The following CEP63 variants were observed in gnomAD, a reference collection of about 807,000 sequenced individuals.
CEP63 encodes centrosomal protein 63.
Under a neutral mutation model 89.1 loss-of-function variants are expected in CEP63, and 84 were observed. That is an observed-to-expected ratio of 0.94 (90% CI 0.79 to 1.13). CEP63 has a LOEUF of 1.13. CEP63 is among the 50% of genes most tolerant of loss of function. CEP63 has a pLI of 0.00. For missense variants in CEP63, 838 were observed against 813.3 expected (o/e 1.03, Z -0.37); for synonymous variants, 267 against 272.5 (o/e 0.98, Z 0.20).
chr3:134,548,145 G>GA (rs1553777970), intron 9 of CEP63, among the ~76,000 whole-genome samples: 5 of 152,128 alleles, frequency 3.3e-5, no homozygotes, highest in African/African-American at 4.8e-5. Context: ...CCATCTGGGG[G>GA]AAAAACCATC....
At chr3:134,696,887 G>A in the CEP63 span, among the ~76,000 whole-genome samples, 1 of 152,180 alleles carries the variant, frequency 6.6e-6, no homozygotes, top group Non-Finnish European at 1.5e-5. Context: ...AATTCAGGAG[G>A]GAATTGTAAG....
At chr3:134,545,551 C>T (rs750043675) in intron 6 of CEP63, 35 bp from the exon 7 acceptor site, 4 of 1,404,322 alleles carry the variant, frequency 2.8e-6, no homozygotes, top group Non-Finnish European at 4.0e-6. Context: ...TTATCATTTC[C>T]CTTTTACCTA....
intron 11 of CEP63, chr3:134,574,740 A>T: frequency 1.8e-6 from 1 of 563,320 alleles, no homozygotes; most frequent in Non-Finnish European, 3.2e-6. Context: ...AGTAGCTGGG[A>T]CTTCAGGCAC....
intron 5 of CEP63, chr3:134,536,456 C>A (rs1950792808): frequency 6.5e-6 from 1 of 152,912 alleles, no homozygotes; most frequent in South Asian, 2.0e-4. Context: ...TTTGATTTGC[C>A]CCATTTTCAT....
chr3:134,708,335 G>A, the CEP63 span, among the ~76,000 whole-genome samples: 1 of 152,220 alleles, frequency 6.6e-6, no homozygotes, highest in African/African-American at 2.4e-5. Context: ...CAGAGACCAG[G>A]GTCCCAGGGG....
At chr3:134,648,439 G>T in the CEP63 span, among the ~76,000 whole-genome samples, 1 of 152,212 alleles carries the variant, frequency 6.6e-6, no homozygotes, top group South Asian at 2.1e-4. Context: ...TAGACTTTTG[G>T]GATAAGACCT....
chr3:134,742,893 C>T, the CEP63 span, among the ~76,000 whole-genome samples: 682 of 152,336 alleles, frequency 4.5e-3, 4 homozygotes, highest in African/African-American at 0.016. Context: ...AATTTACGTT[C>T]ATTATAAATT....
intron 14 of CEP63, among the ~76,000 whole-genome samples, chr3:134,559,677 C>T (rs1956992197): frequency 6.6e-6 from 1 of 152,158 alleles, no homozygotes; most frequent in Non-Finnish European, 1.5e-5. Context: ...ATTGGAAATT[C>T]CCTTCTTGCC....
At chr3:134,708,047 C>T in the CEP63 span, among the ~76,000 whole-genome samples, 1 of 152,158 alleles carries the variant, frequency 6.6e-6, no homozygotes. Flanking sequence ...TAACCTAGGG[C>T]AGTCACTAAT....
At chr3:134,626,806 G>T in the CEP63 span, among the ~76,000 whole-genome samples, 1 of 152,182 alleles carries the variant, frequency 6.6e-6, no homozygotes, top group Admixed American at 6.5e-5. Context: ...GTCATCAACC[G>T]CTGTGCTGTG....
chr3:134,505,692 G>A (rs1057425056), intron 2 of CEP63, among the ~76,000 whole-genome samples: 4 of 152,128 alleles, frequency 2.6e-5, no homozygotes, highest in East Asian at 1.9e-4. Context: ...CAGTGATCAC[G>A]GTAGGTTGAT....
chr3:134,565,076 A>G, downstream of CEP63: 1 of 527,830 alleles, frequency 1.9e-6, no homozygotes, highest in Non-Finnish European at 2.4e-6. Context: ...TCTGTCCGTG[A>G]TCAGGGTACC....
At chr3:134,733,635 C>T in the CEP63 span, among the ~76,000 whole-genome samples, 1 of 152,056 alleles carries the variant, frequency 6.6e-6, no homozygotes, top group Non-Finnish European at 1.5e-5. Flanking sequence ...GGGGAGAACG[C>T]CATGTGCCAG....
chr3:134,516,611 C>T (rs1476086868), intron 3 of CEP63, among the ~76,000 whole-genome samples: 1 of 152,122 alleles, frequency 6.6e-6, no homozygotes, highest in African/African-American at 2.4e-5. Flanking sequence ...CATTTGTGTC[C>T]CTGGGTACTT....
At chr3:134,691,738 CT>C in the CEP63 span, among the ~76,000 whole-genome samples, 2 of 151,890 alleles carry the variant, frequency 1.3e-5, no homozygotes, top group Non-Finnish European at 2.9e-5. Context: ...GAATGGCATT[CT>C]TTTTTTATTT....
chr3:134,690,851 C>T, the CEP63 span, among the ~76,000 whole-genome samples: 5 of 150,156 alleles, frequency 3.3e-5, no homozygotes, highest in Non-Finnish European at 7.4e-5. Context: ...TGGGTTCAAG[C>T]GATTCTCCTG....
the CEP63 span, chr3:134,620,034 G>C: frequency 6.6e-6 from 1 of 152,270 alleles, no homozygotes; most frequent in Non-Finnish European, 1.5e-5. Flanking sequence ...GCAGCAGGTC[G>C]AGAAAGACCC....
chr3:134,589,244 C>A (rs1958550239), downstream of CEP63, among the ~76,000 whole-genome samples: 2 of 151,658 alleles, frequency 1.3e-5, no homozygotes, highest in South Asian at 2.1e-4. Context: ...AAGGACATTT[C>A]AAAAAAAGAC....
chr3:134,554,256 C>T lies in CEP63; in HGVS notation c.1467+2244C>T, dbSNP rs796601399. Among the ~76,000 whole-genome samples, 129 of 150,596 alleles carry T rather than the reference C, an allele frequency of 8.6e-4. 1 individual carries two copies. Among genetic ancestry groups the T allele is most frequent in the African/African-American group, 3.1e-3 (127 of 40,938 alleles). ...CCCTTCCCCCACCCCACAACAGTCC[C>T]CAGAGTGTGATGTTCCCCTTCCTGT... On this transcript the variant is annotated intron_variant, in intron 12 of 14. Transcript: ENST00000675561.
Sources: allele counts gnomAD v4.1 joint callset (sites outside exome capture counted in the v4.1 genomes callset), GRCh38; gene constraint gnomAD v4.1.1; transcripts MANE v1.5; gene names NCBI Gene and HGNC (gene_info 2026-07-23, HGNC 2026-07-21).